UGCG: variants seen among roughly 807,000 people sequenced by gnomAD.
The protein encoded by UGCG is ceramide glucosyltransferase.
In UGCG, 10 loss-of-function variants were observed where a neutral mutation model predicts 49.5. The observed-to-expected ratio is 0.20, with a 90% CI of 0.12 to 0.34. The LOEUF is 0.34. Among genes scored for constraint, UGCG ranks in the 10% least tolerant of loss-of-function variants. The probability of loss-of-function intolerance (pLI) is 1.00; values close to 1 mark genes in which losing one functional copy is unlikely to be tolerated. For synonymous variants in UGCG, 182 were observed against 158.2 expected, an observed-to-expected ratio of 1.15 and a Z score of -1.13; for missense variants, 312 against 483.7, an observed-to-expected ratio of 0.65 and a Z score of 3.33.
chr9:111,926,808 T>C (rs1016328760), intron 5 of UGCG, among the ~76,000 whole-genome samples: 3 of 151,798 alleles, frequency 2.0e-5, no homozygotes, highest in Non-Finnish European at 4.4e-5. Context: ...GTTCTTTATA[T>C]TGTTCTTTCA....
At chr9:111,932,729 A>T in intron 8 of UGCG, 98 bp from the exon 9 acceptor site, 1 of 1,148,704 alleles carries the variant, frequency 8.7e-7, no homozygotes, top group Non-Finnish European at 1.2e-6. Flanking sequence ...GATTTTACAT[A>T]GTATACTTAG....
chr9:111,930,714 C>T (rs541125497), intron 6 of UGCG, among the ~76,000 whole-genome samples: 11 of 152,186 alleles, frequency 7.2e-5, no homozygotes, highest in Admixed American at 6.5e-4. Context: ...GTGATCCGCC[C>T]GCCTCAGCCT....
chr9:111,897,522 T>A (rs1837685907), intron 1 of UGCG, among the ~76,000 whole-genome samples: 1 of 152,134 alleles, frequency 6.6e-6, no homozygotes. Context: ...TGGGAAGGGT[T>A]TGCTGGGTTG....
intron 2 of UGCG, among the ~76,000 whole-genome samples, chr9:111,920,378 C>T (rs1838198956): frequency 6.6e-6 from 1 of 151,964 alleles, no homozygotes; most frequent in African/African-American, 2.4e-5. Context: ...TTATTTTCCC[C>T]GAGACGGAGT....
intron 4 of UGCG, among the ~76,000 whole-genome samples, chr9:111,926,108 G>A (rs1838308251): frequency 1.3e-5 from 2 of 152,148 alleles, no homozygotes; most frequent in African/African-American, 2.4e-5. Context: ...CCAACAGGGG[G>A]TAACTTTTTC....
At chr9:111,897,415 G>A in intron 1 of UGCG, 102 bp downstream of exon 1, 1 of 902,464 alleles carries the variant, frequency 1.1e-6, no homozygotes. Flanking sequence ...GGGCTCGGGC[G>A]GGGGTGGAGA....
intron 6 of UGCG, among the ~76,000 whole-genome samples, chr9:111,930,129 T>C (rs190797152): frequency 9.9e-5 from 15 of 152,272 alleles, no homozygotes; most frequent in African/African-American, 3.6e-4. Flanking sequence ...ATCAATAATT[T>C]TATAGAGTAA....
chr9:111,901,343 G>A (rs1220055052), intron 1 of UGCG, among the ~76,000 whole-genome samples: 1 of 152,186 alleles, frequency 6.6e-6, no homozygotes, highest in Non-Finnish European at 1.5e-5. Flanking sequence ...TGTAAATTGA[G>A]AACGTCTTTT....
intron 4 of UGCG, among the ~76,000 whole-genome samples, chr9:111,925,605 T>A (rs1329596036): frequency 6.6e-6 from 1 of 152,230 alleles, no homozygotes; most frequent in Non-Finnish European, 1.5e-5. Flanking sequence ...TGCCCCCAGT[T>A]GAGAAGCACT....
chr9:111,897,414 C>A, intron 1 of UGCG, 101 bp downstream of exon 1: 3 of 907,034 alleles, frequency 3.3e-6, no homozygotes, highest in South Asian at 3.2e-5. Flanking sequence ...TGGGCTCGGG[C>A]GGGGGTGGAG....
At chr9:111,920,620 C>T (rs1239615032) in intron 2 of UGCG, among the ~76,000 whole-genome samples, 1 of 152,122 alleles carries the variant, frequency 6.6e-6, no homozygotes, top group Non-Finnish European at 1.5e-5. Flanking sequence ...CTGCCCTGGC[C>T]TCCAAAGTGC....
intron 1 of UGCG, among the ~76,000 whole-genome samples, chr9:111,907,900 A>T (rs1393739351): frequency 1.3e-5 from 2 of 152,198 alleles, no homozygotes; most frequent in Admixed American, 1.3e-4. Flanking sequence ...AAGTGCTGGG[A>T]TTACAGGCGT....
intron 4 of UGCG, among the ~76,000 whole-genome samples, chr9:111,926,017 G>A (rs1232479660): frequency 6.6e-6 from 1 of 152,224 alleles, no homozygotes; most frequent in African/African-American, 2.4e-5. Flanking sequence ...AGAGAAGCCA[G>A]CACGAGAACT....
At chr9:111,913,852 A>G (rs1030613064) in intron 1 of UGCG, among the ~76,000 whole-genome samples, 1 of 152,088 alleles carries the variant, frequency 6.6e-6, no homozygotes, top group Non-Finnish European at 1.5e-5. Context: ...TGGCACTGGT[A>G]TATCTTCCAG....
chr9:111,914,870 C>T, intron 2 of UGCG, 124 bp downstream of exon 2: 1 of 1,355,458 alleles, frequency 7.4e-7, no homozygotes, highest in Non-Finnish European at 9.8e-7. Flanking sequence ...ATATTGGCCT[C>T]ATAAAATATA....
intron 1 of UGCG, among the ~76,000 whole-genome samples, chr9:111,899,284 T>C (rs757094641): frequency 3.9e-5 from 6 of 152,260 alleles, no homozygotes; most frequent in Non-Finnish European, 7.3e-5. Context: ...GGAAATGTTA[T>C]GTATATTCAC....
At chr9:111,916,129 A>C (rs983485781) in intron 2 of UGCG, among the ~76,000 whole-genome samples, 17 of 150,256 alleles carry the variant, frequency 1.1e-4, no homozygotes, top group African/African-American at 4.3e-4. Flanking sequence ...GAAAGATATA[A>C]ATAAAATTAA....
intron 2 of UGCG, chr9:111,915,838 T>C (rs1589522930): frequency 1.0e-6 from 1 of 980,624 alleles, no homozygotes; most frequent in Non-Finnish European, 1.2e-6. Flanking sequence ...ACTTATTAAG[T>C]AGGTAGACAT....
At position 111,931,322 on chromosome 9, in the gene UGCG, A is replaced by G. The variant is rs1251875487; in HGVS notation, c.789A>G (p.Ser263=). 2.5e-6 allele frequency: 4 copies of G among 1,613,982 alleles called. No homozygotes were observed. The highest frequency in any genetic ancestry group is 1.1e-5 in the South Asian group (1 of 91,072). The change falls in exon 7 of 9, where the codon TCA becomes TCG. Residue 263 remains serine (S), a synonymous_variant. Transcript: ENST00000374279. The part of the protein sequence containing the change: ...STQVAMQNSG[S]YSISQFQSRM... ...AAGTTGCAATGCAAAACTCTGGCTC[A>G]TATTCAATTTCTCAGTTTCAATCCA...
Sources: allele counts gnomAD v4.1 joint callset (sites outside exome capture counted in the v4.1 genomes callset), GRCh38; gene constraint gnomAD v4.1.1; transcripts MANE v1.5; gene names NCBI Gene and HGNC (gene_info 2026-07-23, HGNC 2026-07-21).